LPP: variants seen among roughly 807,000 people sequenced by gnomAD.
The protein encoded by LPP is LIM domain containing preferred translocation partner in lipoma.
In LPP, 38 loss-of-function variants were observed where a neutral mutation model predicts 60.4. The observed-to-expected ratio is 0.63, with a 90% confidence interval of 0.49 to 0.83. LPP has a LOEUF of 0.83. LPP is among the 40% of genes least tolerant of loss of function. The probability of loss-of-function intolerance (pLI) is 0.00; values close to 1 mark genes in which losing one functional copy is unlikely to be tolerated. For missense variants in LPP, 902 were observed against 783.6 expected (o/e 1.15, Z -1.80); for synonymous variants, 328 against 290.8 (o/e 1.13, Z -1.30).
chr3:188,388,318 C>A (rs540755487), intron 3 of LPP, among the ~76,000 whole-genome samples: 1 of 152,250 alleles, frequency 6.6e-6, no homozygotes, highest in Non-Finnish European at 1.5e-5. Flanking sequence ...ACAGTTAGTA[C>A]AACTCTCAGG....
chr3:188,463,254 A>G (rs1799576536), intron 4 of LPP, among the ~76,000 whole-genome samples: 1 of 152,074 alleles, frequency 6.6e-6, no homozygotes, highest in Admixed American at 6.6e-5. Context: ...GAGTGGCACA[A>G]TCATGGCTCA....
intron 2 of LPP, among the ~76,000 whole-genome samples, chr3:188,332,452 C>G (rs1208538315): frequency 6.6e-6 from 1 of 152,116 alleles, no homozygotes; most frequent in African/African-American, 2.4e-5. Context: ...CTTACTAATC[C>G]CATCTTATAT....
In LPP at chr3:188,763,830, A is replaced by G. The variant is rs115268502; in HGVS notation, c.1410+3548A>G. ...AAAATTTTATTTTTTATTTTGAATT[A>G]CATCCTTAGCATAAATTCTTTGATT... On this transcript the variant is annotated intron_variant, in intron 9 of 11. Coordinates refer to ENST00000617246, the MANE Select transcript of LPP (RefSeq NM_001375462.1). Among the ~76,000 whole-genome samples, 1,352 of 152,190 alleles carry G rather than the reference A, an allele frequency of 8.9e-3. 20 individuals carry two copies. Among genetic ancestry groups the G allele is most frequent in the African/African-American group, 0.031 (1,285 of 41,546 alleles).
chr3:188,409,009 C>G (rs1784313621), intron 4 of LPP, among the ~76,000 whole-genome samples: 1 of 152,132 alleles, frequency 6.6e-6, no homozygotes, highest in African/African-American at 2.4e-5. Flanking sequence ...TCCTTATGTT[C>G]CTCATAGCTC....
chr3:188,252,955 C>T (rs539716246), intron 2 of LPP, among the ~76,000 whole-genome samples: 63 of 151,884 alleles, frequency 4.1e-4, no homozygotes, highest in African/African-American at 1.3e-3. Flanking sequence ...GTATTTTTCA[C>T]GGAGATGGGG....
chr3:188,233,947 G>T (rs943991079), intron 2 of LPP, among the ~76,000 whole-genome samples: 2 of 151,930 alleles, frequency 1.3e-5, no homozygotes, highest in African/African-American at 2.4e-5. Context: ...CTCTGCTTAT[G>T]CTGTTTCTTC....
At chr3:188,623,359 G>A (rs1846183841) in intron 7 of LPP, among the ~76,000 whole-genome samples, 1 of 151,602 alleles carries the variant, frequency 6.6e-6, no homozygotes, top group African/African-American at 2.4e-5. Context: ...CCAGGTTCAG[G>A]TGATTCTCCC....
chr3:188,272,865 G>A (rs952435195), intron 2 of LPP, among the ~76,000 whole-genome samples: 6 of 152,152 alleles, frequency 3.9e-5, no homozygotes, highest in African/African-American at 4.8e-5. Context: ...ATGTGACATA[G>A]GCGTATAAGG....
intron 6 of LPP, among the ~76,000 whole-genome samples, chr3:188,537,499 C>T (rs1176915968): frequency 1.3e-5 from 2 of 152,154 alleles, no homozygotes; most frequent in Non-Finnish European, 2.9e-5. Flanking sequence ...CATCTGGATG[C>T]TCCTTTTTAT....
At chr3:188,737,806 G>A (rs1487528246) in intron 8 of LPP, among the ~76,000 whole-genome samples, 3 of 152,112 alleles carry the variant, frequency 2.0e-5, no homozygotes, top group Non-Finnish European at 4.4e-5. Context: ...TTCCAACCCT[G>A]TGATTTAGAT....
intron 8 of LPP, among the ~76,000 whole-genome samples, chr3:188,751,076 A>G (rs1204641673): frequency 6.6e-6 from 1 of 152,230 alleles, no homozygotes; most frequent in Non-Finnish European, 1.5e-5. Context: ...AAAGCACTAG[A>G]CAAATATAAG....
intron 4 of LPP, among the ~76,000 whole-genome samples, chr3:188,437,253 C>T (rs1025926432): frequency 5.9e-5 from 9 of 152,194 alleles, no homozygotes; most frequent in South Asian, 2.1e-4. Flanking sequence ...TAGGAGGATA[C>T]TAGAGCTTCC....
At chr3:188,539,066 T>A (rs1371737444) in intron 6 of LPP, among the ~76,000 whole-genome samples, 1 of 152,116 alleles carries the variant, frequency 6.6e-6, no homozygotes, top group African/African-American at 2.4e-5. Context: ...TTTGGAAAGG[T>A]GATTAAAGTA....
At chr3:188,853,566 G>A (rs1040710898) in intron 9 of LPP, among the ~76,000 whole-genome samples, 1 of 152,342 alleles carries the variant, frequency 6.6e-6, no homozygotes, top group South Asian at 2.1e-4. Context: ...AGACTGAGTT[G>A]TAGGAGAGGT....
intron 8 of LPP, among the ~76,000 whole-genome samples, chr3:188,730,111 A>T (rs1356417418): frequency 1.3e-5 from 2 of 152,244 alleles, no homozygotes; most frequent in East Asian, 3.8e-4. Flanking sequence ...TTTCTAAGAA[A>T]TTAGTAGATC....
intron 4 of LPP, among the ~76,000 whole-genome samples, chr3:188,421,194 C>G (rs1220315957): frequency 6.6e-6 from 1 of 152,082 alleles, no homozygotes; most frequent in African/African-American, 2.4e-5. Context: ...AACTATTAAC[C>G]ATGTATTTTT....
chr3:188,690,718 A>G (rs903664398), intron 7 of LPP, among the ~76,000 whole-genome samples: 1 of 152,170 alleles, frequency 6.6e-6, no homozygotes, highest in African/African-American at 2.4e-5. Flanking sequence ...TTCTTCTTTT[A>G]GGGGTAGTTT....
chr3:188,601,634 C>G (rs776658633), intron 6 of LPP, among the ~76,000 whole-genome samples: 1 of 152,146 alleles, frequency 6.6e-6, no homozygotes, highest in Non-Finnish European at 1.5e-5. Context: ...CAATCACCTG[C>G]CCCTTCCCTT....
At chr3:188,714,938 T>G (rs1713195180) in intron 8 of LPP, among the ~76,000 whole-genome samples, 1 of 152,160 alleles carries the variant, frequency 6.6e-6, no homozygotes, top group East Asian at 1.9e-4. Flanking sequence ...GAGAAAATTC[T>G]TACCCAGTTC....
Sources: gnomAD v4.1 joint callset for allele counts (sites outside exome capture counted in the v4.1 genomes callset) on GRCh38, gnomAD v4.1.1 for gene constraint, MANE v1.5 for transcripts, NCBI Gene and HGNC (gene_info 2026-07-23, HGNC 2026-07-21) for gene names.